The following RIMBP2 variants were observed in gnomAD, a reference collection of about 807,000 sequenced individuals.
RIMBP2 encodes RIMS-binding protein 2.
A neutral mutation model predicts 118.6 loss-of-function variants in RIMBP2; 48 were observed. That is an observed-to-expected ratio of 0.40 (90% confidence interval 0.32 to 0.51). The LOEUF is 0.51. RIMBP2 is among the 20% of genes least tolerant of loss of function. The probability of loss-of-function intolerance (pLI) is 0.41; values close to 1 mark genes in which losing one functional copy is unlikely to be tolerated. For missense variants in RIMBP2, 1,551 were observed against 1,768.3 expected, an observed-to-expected ratio of 0.88 and a Z score of 2.20; for synonymous variants, 762 against 742.9, an observed-to-expected ratio of 1.03 and a Z score of -0.42.
In RIMBP2 at chr12:130,648,422, T is replaced by C. The variant is rs180871778; in HGVS notation, c.-351-19966A>G. Reference sequence around the variant, plus strand: ...TCATTGTAAAAAAAATTGAAAAGCATAAAGGAGAAAATAAAAACTTCGTAA... The same window carrying C: ...TCATTGTAAAAAAAATTGAAAAGCACAAAGGAGAAAATAAAAACTTCGTAA... On this transcript the variant is annotated intron_variant, in intron 1 of 22. Coordinates refer to ENST00000690449, the MANE Select transcript of RIMBP2 (RefSeq NM_001393629.1). Among the ~76,000 whole-genome samples the C allele has an allele frequency of 1.4e-5, 2 of 145,732 alleles. 1 individual carries two copies. The highest frequency in any genetic ancestry group is 1.4e-4 in the Admixed American group (2 of 14,454).
chr12:130,435,367 T>C (rs1434359194), intron 13 of RIMBP2, among the ~76,000 whole-genome samples: 2 of 152,150 alleles, frequency 1.3e-5, no homozygotes, highest in African/African-American at 4.8e-5. Context: ...TGAGGTAACA[T>C]TTGGATACAC....
intron 4 of RIMBP2, among the ~76,000 whole-genome samples, chr12:130,504,911 G>A (rs974576992): frequency 2.6e-5 from 4 of 152,214 alleles, no homozygotes; most frequent in Admixed American, 2.0e-4. Flanking sequence ...CCCCTGGAGG[G>A]CAAGTTGGCC....
chr12:130,597,230 T>C (rs1379717486), intron 2 of RIMBP2, among the ~76,000 whole-genome samples: 1 of 152,256 alleles, frequency 6.6e-6, no homozygotes, highest in East Asian at 1.9e-4. Flanking sequence ...AGAAAGCCCA[T>C]CGTTTTTATT....
At chr12:130,648,665 T>A (rs1259247548) in intron 1 of RIMBP2, among the ~76,000 whole-genome samples, 1 of 144,154 alleles carries the variant, frequency 6.9e-6, no homozygotes, top group African/African-American at 2.5e-5. Flanking sequence ...TATCTTTTTT[T>A]TTTTTTTTGA....
At chr12:130,503,562 G>T (rs1176624978) in intron 4 of RIMBP2, among the ~76,000 whole-genome samples, 1 of 152,186 alleles carries the variant, frequency 6.6e-6, no homozygotes, top group Non-Finnish European at 1.5e-5. Flanking sequence ...CAAAGGAAGA[G>T]ACTTGGAAAA....
chr12:130,712,407 T>C lies in RIMBP2; in HGVS notation c.-352+3815A>G, dbSNP rs183246170. ...CTATTTGATTTTTTTGTTTGTTTGC[T>C]TTTTAAACTTTGCTGTTAAAAGCTA... On this transcript the variant is annotated intron_variant, in intron 1 of 22. Transcript: ENST00000690449. 1.2e-3 allele frequency among the ~76,000 whole-genome samples: 176 copies of C among 152,324 alleles called. 1 individual carries two copies. Among genetic ancestry groups the C allele is most frequent in the African/African-American group, 3.9e-3 (162 of 41,576 alleles).
At chr12:130,543,574 T>C (rs942687571) in intron 2 of RIMBP2, among the ~76,000 whole-genome samples, 8 of 152,008 alleles carry the variant, frequency 5.3e-5, no homozygotes, top group South Asian at 2.1e-4. Flanking sequence ...ATGAGCCCTA[T>C]AGATTGGGAA....
At chr12:130,404,361 G>C (rs1269234764) in intron 21 of RIMBP2, among the ~76,000 whole-genome samples, 3 of 152,156 alleles carry the variant, frequency 2.0e-5, no homozygotes, top group Non-Finnish European at 4.4e-5. Flanking sequence ...GCAATGGCAT[G>C]ATCTCAGCTC....
chr12:130,519,250 C>T (rs1478711957), intron 2 of RIMBP2, among the ~76,000 whole-genome samples: 2 of 152,240 alleles, frequency 1.3e-5, no homozygotes, highest in Non-Finnish European at 2.9e-5. Context: ...ACACTTCCCA[C>T]TAGGAGAGAG....
intron 1 of RIMBP2, among the ~76,000 whole-genome samples, chr12:130,685,938 G>T (rs1212267659): frequency 1.2e-4 from 18 of 151,952 alleles, no homozygotes; most frequent in Admixed American, 1.2e-3. Flanking sequence ...GCCCAGGCCC[G>T]CCCCCAAAGC....
chr12:130,575,739 A>G (rs1230230424), intron 2 of RIMBP2, among the ~76,000 whole-genome samples: 1 of 152,228 alleles, frequency 6.6e-6, no homozygotes, highest in East Asian at 1.9e-4. Flanking sequence ...AAGGAGACAG[A>G]GTGGTCAGCA....
chr12:130,570,631 A>ACTGC, intron 2 of RIMBP2, among the ~76,000 whole-genome samples: 1 of 152,192 alleles, frequency 6.6e-6, no homozygotes, highest in Non-Finnish European at 1.5e-5. Context: ...AGTCGTCTAG[A>ACTGC]CTGCCTGCTC....
chr12:130,643,180 T>C (rs753729655), intron 1 of RIMBP2, among the ~76,000 whole-genome samples: 6 of 151,954 alleles, frequency 3.9e-5, no homozygotes, highest in Admixed American at 1.3e-4. Flanking sequence ...CCGGTGAGAG[T>C]TCCCCCCTGC....
intron 2 of RIMBP2, among the ~76,000 whole-genome samples, chr12:130,560,991 A>G (rs2056777297): frequency 6.6e-6 from 1 of 152,238 alleles, no homozygotes; most frequent in Non-Finnish European, 1.5e-5. Flanking sequence ...TAATATGACT[A>G]CAGTCCTTAC....
chr12:130,554,159 C>T (rs1305634967), intron 2 of RIMBP2, among the ~76,000 whole-genome samples: 1 of 152,164 alleles, frequency 6.6e-6, no homozygotes, highest in South Asian at 2.1e-4. Context: ...ACTCTGGGAG[C>T]AGGTACAGGA....
chr12:130,515,220 C>A (rs2051323849), intron 3 of RIMBP2, among the ~76,000 whole-genome samples: 1 of 152,128 alleles, frequency 6.6e-6, no homozygotes, highest in Non-Finnish European at 1.5e-5. Context: ...ATACACATTA[C>A]ATAAAATTTA....
chr12:130,527,490 T>C (rs1480781198), intron 2 of RIMBP2, among the ~76,000 whole-genome samples: 1 of 120,376 alleles, frequency 8.3e-6, no homozygotes, highest in Non-Finnish European at 2.0e-5. Flanking sequence ...CATGGTGCTA[T>C]TTAAAAACTG....
In RIMBP2 at chr12:130,573,403, C is replaced by T. The variant is rs549852264; in HGVS notation, c.-217+54919G>A. Among the ~76,000 whole-genome samples, 13 of 135,004 alleles carry T rather than the reference C, an allele frequency of 9.6e-5. No homozygotes were observed. The East Asian group carries it at 1.3e-3, about 13-fold the overall frequency. 88.6% of individuals were successfully genotyped at this position (135,004 alleles called of 152,430 possible). On this transcript the variant is annotated intron_variant, in intron 2 of 22. Coordinates refer to ENST00000690449, the MANE Select transcript of RIMBP2 (RefSeq NM_001393629.1). ...AGATAAGTGTTCGCGCGTGTGTGTG[C>T]GACTGTGTGCGTGTGAGTGTGTGCG...
chr12:130,693,567 C>T (rs747070484), intron 1 of RIMBP2, among the ~76,000 whole-genome samples: 2 of 152,128 alleles, frequency 1.3e-5, no homozygotes, highest in African/African-American at 4.8e-5. Context: ...AGTAAATGTC[C>T]ACTGGGAGAG....
Sources: allele counts gnomAD v4.1 joint callset (sites outside exome capture counted in the v4.1 genomes callset), GRCh38; gene constraint gnomAD v4.1.1; transcripts MANE v1.5; gene names NCBI Gene and HGNC (gene_info 2026-07-23, HGNC 2026-07-21).